GPATCH8: variants seen among roughly 807,000 people sequenced by gnomAD.
The protein encoded by GPATCH8 is G patch domain-containing protein 8.
In GPATCH8, 18 loss-of-function variants were observed where a neutral mutation model predicts 118.3. The ratio of observed to expected loss-of-function variants is 0.15; its 90% CI spans 0.11 to 0.23. GPATCH8 has a LOEUF of 0.23. Ranked by LOEUF, GPATCH8 falls within the 10% of genes least tolerant of loss-of-function variation. The probability of loss-of-function intolerance (pLI) is 1.00; values close to 1 mark genes in which losing one functional copy is unlikely to be tolerated. For missense variants in GPATCH8, 1,631 were observed against 1,873.8 expected, an observed-to-expected ratio of 0.87 and a Z score of 2.39; for synonymous variants, 659 against 684.7, an observed-to-expected ratio of 0.96 and a Z score of 0.59.
intron 1 of GPATCH8, among the ~76,000 whole-genome samples, chr17:44,490,276 C>A (rs959461216): frequency 5.3e-5 from 8 of 151,712 alleles, no homozygotes; most frequent in Admixed American, 1.3e-4. Flanking sequence ...TCACTTCAGT[C>A]CAGCCTGGGT....
chr17:44,445,711 G>C (rs2050854891), intron 3 of GPATCH8: 1 of 152,150 alleles, frequency 6.6e-6, no homozygotes, highest in South Asian at 2.1e-4. Context: ...TCACCATGTT[G>C]GCCAGGCTGG....
At chr17:44,474,176 T>C (rs1967542187) in intron 2 of GPATCH8, among the ~76,000 whole-genome samples, 1 of 152,180 alleles carries the variant, frequency 6.6e-6, no homozygotes, top group Non-Finnish European at 1.5e-5. Context: ...AACGGGTTTT[T>C]CAAAGTGAAA....
At chr17:44,405,276 T>C (rs2049176808) in intron 7 of GPATCH8, among the ~76,000 whole-genome samples, 1 of 151,896 alleles carries the variant, frequency 6.6e-6, no homozygotes, top group Non-Finnish European at 1.5e-5. Flanking sequence ...TGGCGCAATC[T>C]TGGCTCACCA....
intron 5 of GPATCH8, among the ~76,000 whole-genome samples, chr17:44,426,487 C>T (rs1041056804): frequency 3.3e-5 from 5 of 151,710 alleles, no homozygotes; most frequent in African/African-American, 4.8e-5. Flanking sequence ...GCCTTTGGTC[C>T]CAGCTACTTG....
At chr17:44,473,885 TGCA>T (rs1273279537) in intron 2 of GPATCH8, 6 of 152,216 alleles carry the variant, frequency 3.9e-5, no homozygotes, top group Non-Finnish European at 5.9e-5. Flanking sequence ...TTTACTATGT[TGCA>T]GTTTTGAAAA....
At chr17:44,464,419 T>A (rs1295305516) in intron 3 of GPATCH8, 53 bp downstream of exon 3, 5 of 1,009,924 alleles carry the variant, frequency 5.0e-6, no homozygotes, top group Non-Finnish European at 8.0e-6. Context: ...AGGTACAAGA[T>A]CTGCATCAGA....
intron 1 of GPATCH8, among the ~76,000 whole-genome samples, chr17:44,479,461 T>A (rs1968036190): frequency 1.3e-5 from 2 of 152,176 alleles, no homozygotes; most frequent in Non-Finnish European, 2.9e-5. Flanking sequence ...ATGTTTTCAA[T>A]TAACGGTGCT....
rs1351061754 is a variant in GPATCH8, at chr17:44,405,805, A to T, written c.623+116T>A. Reference sequence around the variant, plus strand: ...AGGGGTGAGCCACTGCGCCTGGCACAAGGTTTTTAATTCTTAAATCTTAAT... The same window carrying T: ...AGGGGTGAGCCACTGCGCCTGGCACTAGGTTTTTAATTCTTAAATCTTAAT... On this transcript the variant is annotated intron_variant, in intron 7 of 7. Transcript: ENST00000591680. The T allele has an allele frequency of 7.0e-6, 6 of 854,688 alleles. No individual in the cohort carries two copies. The East Asian group carries it at 1.7e-4, about 25-fold the overall frequency. 52.9% of individuals were successfully genotyped at this position (854,688 alleles called of 1,614,324 possible).
At chr17:44,422,592 C>A (rs1483416510) in intron 6 of GPATCH8, among the ~76,000 whole-genome samples, 2 of 151,876 alleles carry the variant, frequency 1.3e-5, no homozygotes, top group African/African-American at 2.4e-5. Flanking sequence ...CGGGTTCACG[C>A]CATTCTCCTG....
chr17:44,433,407 T>C (rs1224736482), intron 5 of GPATCH8, among the ~76,000 whole-genome samples: 1 of 152,178 alleles, frequency 6.6e-6, no homozygotes, highest in Non-Finnish European at 1.5e-5. Context: ...GGCAGACAAA[T>C]AGACATACTC....
intron 3 of GPATCH8, among the ~76,000 whole-genome samples, chr17:44,448,519 A>G: frequency 3.2e-5 from 4 of 123,552 alleles, no homozygotes; most frequent in South Asian, 3.1e-4. Context: ...GGGGGGGAAG[A>G]AGGAGGAAGA....
chr17:44,491,714 T>A (rs1969262220), intron 1 of GPATCH8, among the ~76,000 whole-genome samples: 1 of 151,840 alleles, frequency 6.6e-6, no homozygotes, highest in African/African-American at 2.4e-5. Flanking sequence ...ATTAACTGAA[T>A]GTGGTGGTAC....
At chr17:44,416,981 G>A (rs1200573172) in intron 6 of GPATCH8, among the ~76,000 whole-genome samples, 2 of 152,092 alleles carry the variant, frequency 1.3e-5, no homozygotes, top group Admixed American at 1.3e-4. Flanking sequence ...AGAAGAGGGA[G>A]GCTAAAAGCA....
chr17:44,492,298 A>C (rs1165434452), intron 1 of GPATCH8, among the ~76,000 whole-genome samples: 3 of 29,184 alleles, frequency 1.0e-4, no homozygotes, highest in East Asian at 8.8e-4. Context: ...GAGACGTCTC[A>C]AAAAAAAAAA....
chr17:44,493,054 G>GTTTGTT (rs1555649552), intron 1 of GPATCH8, among the ~76,000 whole-genome samples: 1 of 124,390 alleles, frequency 8.0e-6, no homozygotes, highest in African/African-American at 3.1e-5. Context: ...AAGCCATTAG[G>GTTTGTT]TTTTTTTTTT....
intron 1 of GPATCH8, among the ~76,000 whole-genome samples, chr17:44,481,924 C>A (rs964529852): frequency 6.6e-6 from 1 of 151,986 alleles, no homozygotes; most frequent in Non-Finnish European, 1.5e-5. Flanking sequence ...GAATTTGAGA[C>A]CTGACTGGCC....
Position 44,457,797 on chromosome 17 carries a change from G to A in GPATCH8, c.193+6675C>T, listed in dbSNP as rs143120932. On this transcript the variant is annotated intron_variant, in intron 3 of 7. Coordinates refer to ENST00000591680, the MANE Select transcript of GPATCH8 (RefSeq NM_001002909.4). ...GAAATTTCTTAAAAATTAGTCAGGC[G>A]TTCGCCGGGCGCAGTGGCTCATGCC... is the stretch of plus-strand genomic sequence containing the variant. 5.6e-4 allele frequency among the ~76,000 whole-genome samples: 85 copies of A among 151,906 alleles called. 1 individual carries two copies. The highest frequency in any genetic ancestry group is 9.9e-4 in the Non-Finnish European group (67 of 67,952).
rs1777604089 is a variant in GPATCH8, at chr17:44,399,057, T to C, written c.3020A>G (p.Lys1007Arg). 6.2e-7 allele frequency: 1 copy of C among 1,613,852 alleles called. No homozygotes were observed. Among genetic ancestry groups the C allele is most frequent in the Non-Finnish European group, 8.5e-7 (1 of 1,179,762 alleles). Reference sequence around the variant, plus strand: ...AGGGCTCTCGTGACCCCATGATCTCTTCCTGGAGCCTGATCTCTGGGAAGG... The same window carrying C: ...AGGGCTCTCGTGACCCCATGATCTCCTCCTGGAGCCTGATCTCTGGGAAGG... ...RSPSQRSGSR[K>R]RSWGHESPEE... Residue 1007 changes from lysine (K) to arginine (R), a missense_variant, in exon 8 of 8, where the codon AAG (lysine) becomes AGG (arginine). By Grantham distance (26) the Lys-to-Arg change is conservative. This residue lies in a region of GPATCH8 where 922 missense variants were observed against 879.7 expected (regional missense o/e 1.05). Coordinates refer to ENST00000591680, the MANE Select transcript of GPATCH8 (RefSeq NM_001002909.4).
chr17:44,492,566 C>T (rs939539205), intron 1 of GPATCH8, among the ~76,000 whole-genome samples: 4 of 151,554 alleles, frequency 2.6e-5, no homozygotes, highest in Non-Finnish European at 2.9e-5. Flanking sequence ...AGCAAGACTT[C>T]GCCTCAAAAA....
Sources: gnomAD v4.1 joint callset for allele counts (sites outside exome capture counted in the v4.1 genomes callset) on GRCh38, gnomAD v4.1.1 for gene constraint, gnomAD v4.1.1 regional missense constraint, MANE v1.5 for transcripts, NCBI Gene and HGNC (gene_info 2026-07-23, HGNC 2026-07-21) for gene names.